CDK5R2: variants seen among roughly 807,000 people sequenced by gnomAD.
CDK5R2 encodes cyclin-dependent kinase 5 activator 2.
CDK5R2 carries 7 observed loss-of-function variants against 23.1 expected under a neutral mutation model. That is an observed-to-expected ratio of 0.30 (90% CI 0.17 to 0.57). The LOEUF (loss-of-function observed/expected upper bound fraction) is 0.57, where lower values mean the gene tolerates loss of function less well. CDK5R2 is among the 20% of genes least tolerant of loss of function. The pLI is 0.91. For synonymous variants in CDK5R2, 242 were observed against 264.9 expected, an observed-to-expected ratio of 0.91 and a Z score of 0.84; for missense variants, 380 against 537.6, an observed-to-expected ratio of 0.71 and a Z score of 2.90.
Position 218,959,792 on chromosome 2 carries a change from G to A in CDK5R2, c.-29G>A, listed in dbSNP as rs886887259. On this transcript the variant is annotated 5_prime_UTR_variant, in exon 1 of 1. Coordinates refer to ENST00000302625, the MANE Select transcript of CDK5R2 (RefSeq NM_003936.5). This position sits in a 1 kb window ranked among gnomAD's most constrained non-coding sequence, Gnocchi z 4.0. ...GCGGCGCCGCCCGCGGCTCCCGCTG[G>A]GGCCTGGGCGCCGGCCCCGCTCTGC... 1.6e-6 allele frequency: 2 copies of A among 1,240,368 alleles called. No homozygotes were observed. The highest frequency in any genetic ancestry group is 2.0e-6 in the Non-Finnish European group (2 of 994,062). The allele number at this position is 1,240,368 out of a possible 1,614,324, so 76.8% of individuals were successfully genotyped here. A position where few individuals can be genotyped will look rare whatever the true frequency, so the allele number is the denominator to read the frequency against.
Position 218,961,134 on chromosome 2 carries a change from A to T in CDK5R2, c.*210A>T. 1 of 429,452 alleles carries T rather than the reference A, an allele frequency of 2.3e-6. No homozygotes were observed. The highest frequency in any genetic ancestry group is 4.5e-5 in the Admixed American group (1 of 22,312). The allele number at this position is 429,452 out of a possible 1,614,324, so 26.6% of individuals were successfully genotyped here. A position where few individuals can be genotyped will look rare whatever the true frequency, so the allele number is the denominator to read the frequency against. ...GCTGGGCGTGGAGTGGGGACGGAAG[A>T]TGAGCGCGGGAAAGGCACTCCAACC... is the stretch of plus-strand genomic sequence containing the variant. On this transcript the variant is annotated 3_prime_UTR_variant, in exon 1 of 1. Coordinates refer to ENST00000302625, the MANE Select transcript of CDK5R2 (RefSeq NM_003936.5). The surrounding 1 kb of genome is among the most constrained non-coding windows in gnomAD (Gnocchi z 4.4).
At position 218,960,846 on chromosome 2, in the gene CDK5R2, C is replaced by A; in HGVS notation, c.1026C>A (p.Gly342=). 6.7e-7 allele frequency: 1 copy of A among 1,499,526 alleles called. No individual in the cohort carries two copies. The highest frequency in any genetic ancestry group is 8.8e-7 in the Non-Finnish European group (1 of 1,136,764). 92.9% of individuals were successfully genotyped at this position (1,499,526 alleles called of 1,614,324 possible). A position where few individuals can be genotyped will look rare whatever the true frequency, so the allele number is the denominator to read the frequency against. The change falls in exon 1 of 1, where the codon GGC becomes GGA. Residue 342 remains glycine, a synonymous_variant. Coordinates refer to ENST00000302625, the MANE Select transcript of CDK5R2 (RefSeq NM_003936.5). ...AASGGGPPSG[G]APAASSAARD... is the part of the protein sequence containing the mutation. ...GCGGCGGGGGCCCACCGAGCGGGGGCGCGCCCGCCGCCTCCTCGGCCGCCA... is the reference window on the plus strand; with the variant it reads ...GCGGCGGGGGCCCACCGAGCGGGGGAGCGCCCGCCGCCTCCTCGGCCGCCA...
Position 218,959,697 on chromosome 2 carries a change from C to T in CDK5R2, c.-124C>T, listed in dbSNP as rs894701843. 37 of 1,144,756 alleles carry T rather than the reference C, an allele frequency of 3.2e-5. No individual in the cohort carries two copies. The highest frequency in any genetic ancestry group is 3.9e-5 in the Non-Finnish European group (36 of 918,634). The allele number at this position is 1,144,756 out of a possible 1,614,324, so 70.9% of individuals were successfully genotyped here. A position where few individuals can be genotyped will look rare whatever the true frequency, so the allele number is the denominator to read the frequency against. ...GCGGAGCCGCCTAGCAGCCACCTTC[C>T]CCCGCCAGTCCGCGCGCCCGGGCCG... On this transcript the variant is annotated 5_prime_UTR_variant, in exon 1 of 1. Transcript: ENST00000302625. This position sits in a 1 kb window ranked among gnomAD's most constrained non-coding sequence, Gnocchi z 4.0.
Position 218,960,327 on chromosome 2 carries a change from G to A in CDK5R2, c.507G>A (p.Val169=). Residue 169 remains valine (V), a synonymous_variant, in exon 1 of 1, where the codon GTG becomes GTA. Coordinates refer to ENST00000302625, the MANE Select transcript of CDK5R2 (RefSeq NM_003936.5). ...CAGCCCCGCAGGTGGCGCCGCCGGT[G>A]CCTGGCGGCTCGCCGCGGCGGGTCA... ...PPPAPQVAPP[V]PGGSPRRVIV... is the part of the protein sequence containing the mutation. 2.0e-6 allele frequency: 3 copies of A among 1,500,258 alleles called. No homozygotes were observed. Among genetic ancestry groups the A allele is most frequent in the Non-Finnish European group, 2.7e-6 (3 of 1,131,414 alleles). 92.9% of individuals were successfully genotyped at this position (1,500,258 alleles called of 1,614,324 possible).
rs1221719734 is a variant in CDK5R2 at position 218,962,122 on chromosome 2, C to G, written c.*1198C>G. ...GCACTGTCTGTCTGTCCGTCTGTCCCGGAAAGAACTATAAAGCGCTGGAAG... is the reference window on the plus strand; with the variant it reads ...GCACTGTCTGTCTGTCCGTCTGTCCGGGAAAGAACTATAAAGCGCTGGAAG... On this transcript the variant is annotated 3_prime_UTR_variant, in exon 1 of 1. Transcript: ENST00000302625. The G allele has an allele frequency of 1.8e-5, 3 of 167,114 alleles. No homozygotes were observed. Among genetic ancestry groups the G allele is most frequent in the African/African-American group, 7.2e-5 (3 of 41,404 alleles). The allele number at this position is 167,114 out of a possible 1,614,324, so 10.4% of individuals were successfully genotyped here.
In CDK5R2 at chr2:218,960,329, C is replaced by G; in HGVS notation, c.509C>G (p.Pro170Arg). Residue 170 changes from proline to arginine, a missense_variant, in exon 1 of 1, where the codon CCT (proline) becomes CGT (arginine). Coordinates refer to ENST00000302625, the MANE Select transcript of CDK5R2 (RefSeq NM_003936.5). ...PPAPQVAPPV[P>R]GGSPRRVIVQ... ...GCCCCGCAGGTGGCGCCGCCGGTGCCTGGCGGCTCGCCGCGGCGGGTCATC... is the reference window on the plus strand; with the variant it reads ...GCCCCGCAGGTGGCGCCGCCGGTGCGTGGCGGCTCGCCGCGGCGGGTCATC... 2.7e-6 allele frequency: 4 copies of G among 1,501,456 alleles called. No individual in the cohort carries two copies. Among genetic ancestry groups the G allele is most frequent in the Admixed American group, 2.1e-5 (1 of 46,580 alleles). 93.0% of individuals were successfully genotyped at this position (1,501,456 alleles called of 1,614,324 possible).
In CDK5R2 at chr2:218,960,184, G is replaced by A. The variant is rs1300172636; in HGVS notation, c.364G>A (p.Ala122Thr). 6.6e-7 allele frequency: 1 copy of A among 1,505,954 alleles called. No homozygotes were observed. Among genetic ancestry groups the A allele is most frequent in the Non-Finnish European group, 8.8e-7 (1 of 1,132,690 alleles). 93.3% of individuals were successfully genotyped at this position (1,505,954 alleles called of 1,614,324 possible). Residue 122 changes from alanine to threonine, a missense_variant, in exon 1 of 1, where the codon GCG (alanine) becomes ACG (threonine). This residue lies in a region of CDK5R2 where 197 missense variants were observed against 246.4 expected (regional missense o/e 0.80). Coordinates refer to ENST00000302625, the MANE Select transcript of CDK5R2 (RefSeq NM_003936.5). ...PDGGGTAKPLAVPVPTVPAAA... is the reference protein window; with the variant it reads ...PDGGGTAKPLTVPVPTVPAAA... ...CGGCGGCGGCACCGCCAAGCCCCTG[G>A]CGGTGCCAGTGCCCACCGTGCCCGC...
rs1230432926 is a variant in CDK5R2, at chr2:218,961,908, C to G, written c.*984C>G. On this transcript the variant is annotated 3_prime_UTR_variant, in exon 1 of 1. Transcript: ENST00000302625. The surrounding 1 kb of genome is among the most constrained non-coding windows in gnomAD (Gnocchi z 4.4). ...CTTATCCTTAGCTTTTTTGTTGCTC[C>G]TCCCCACTGCCCCTTTTAATTTATT... 1 of 167,114 alleles carries G rather than the reference C, an allele frequency of 6.0e-6. No homozygotes were observed. The highest frequency in any genetic ancestry group is 2.4e-5 in the African/African-American group (1 of 41,432). The allele number at this position is 167,114 out of a possible 1,614,324, so 10.4% of individuals were successfully genotyped here.
In CDK5R2 at chr2:218,960,424, A is replaced by G. The variant is rs1414951676; in HGVS notation, c.604A>G (p.Lys202Glu). The change falls in exon 1 of 1, where the codon AAG becomes GAG. Residue 202 changes from lysine (K) to glutamate (E), a missense_variant. Coordinates refer to ENST00000302625, the MANE Select transcript of CDK5R2 (RefSeq NM_003936.5). Reference protein sequence around the residue: ...DFVCRRCYRLKELSPGELVGW... With the variant: ...DFVCRRCYRLEELSPGELVGW... ...CGTGTGCCGACGCTGCTATCGCCTC[A>G]AGGAGCTGAGCCCGGGCGAGCTGGT... 1.2e-6 allele frequency: 2 copies of G among 1,609,606 alleles called. No individual in the cohort carries two copies. The highest frequency in any genetic ancestry group is 1.7e-6 in the Non-Finnish European group (2 of 1,179,650).
rs1945198945 is a variant in CDK5R2, at chr2:218,960,836, C to A, written c.1016C>A (p.Pro339Gln). The change falls in exon 1 of 1, where the codon CCG becomes CAG. Residue 339 changes from proline (P) to glutamine (Q), a missense_variant. This residue lies in a region of CDK5R2 where 59 missense variants were observed against 55.7 expected (regional missense o/e 1.06). Coordinates refer to ENST00000302625, the MANE Select transcript of CDK5R2 (RefSeq NM_003936.5). ...GCCGCCGCCAGCGGCGGGGGCCCAC[C>A]GAGCGGGGGCGCGCCCGCCGCCTCC... The part of the protein sequence containing the change: ...GEAAASGGGP[P>Q]SGGAPAASSA... 3 of 1,519,768 alleles carry A rather than the reference C, an allele frequency of 2.0e-6. No individual in the cohort carries two copies. Among genetic ancestry groups the A allele is most frequent in the East Asian group, 2.5e-5 (1 of 39,648 alleles). The allele number at this position is 1,519,768 out of a possible 1,614,324, so 94.1% of individuals were successfully genotyped here.
Position 218,959,974 on chromosome 2 carries a change from A to C in CDK5R2, c.154A>C (p.Ser52Arg). 6.4e-7 allele frequency: 1 copy of C among 1,550,694 alleles called. No individual in the cohort carries two copies. The highest frequency in any genetic ancestry group is 8.7e-7 in the Non-Finnish European group (1 of 1,151,530). Residue 52 changes from serine (S) to arginine (R), a missense_variant, in exon 1 of 1, where the codon AGC becomes CGC. Physicochemically the swap from Ser to Arg is moderately radical, Grantham distance 110. This residue lies in a region of CDK5R2 where 197 missense variants were observed against 246.4 expected (regional missense o/e 0.80). Transcript: ENST00000302625. This position sits in a 1 kb window ranked among gnomAD's most constrained non-coding sequence, Gnocchi z 4.0. The stretch of plus-strand genomic sequence containing the variant: ...AGTGGGCAAGGGCGGCAAAGGCGAG[A>C]GCCGACTCAAGCGGCCGTCCGTGCT... Reference protein sequence around the residue: ...PPVGKGGKGESRLKRPSVLIS... With the variant: ...PPVGKGGKGERRLKRPSVLIS...
In CDK5R2 at chr2:218,960,098, AC is replaced by A; in HGVS notation, c.283del (p.Leu95TrpfsTer110). 3.1e-6 allele frequency: 5 copies of A among 1,599,946 alleles called. No individual in the cohort carries two copies. The highest frequency in any genetic ancestry group is 1.4e-5 in the African/African-American group (1 of 73,488). ...VTPKPASTGPDPLVQQRNREN... is the reference protein window; with the variant it reads ...VTPKPASTGPXPLVQQRNREN... Reference sequence around the variant, plus strand: ...CCCAAGCCGGCATCCACGGGCCCCGACCCCCTGGTCCAGCAACGCAACCGCG... The same window carrying A: ...CCCAAGCCGGCATCCACGGGCCCCGACCCCTGGTCCAGCAACGCAACCGCG... On this transcript the variant is annotated frameshift_variant, in exon 1 of 1. Coordinates refer to ENST00000302625, the MANE Select transcript of CDK5R2 (RefSeq NM_003936.5). LOFTEE classifies it high-confidence loss of function.
rs1187609221 is a variant in CDK5R2 at position 218,959,966 on chromosome 2, A to T, written c.146A>T (p.Lys49Ile). ...YGAPPVGKGGKGESRLKRPSV... is the reference protein window; with the variant it reads ...YGAPPVGKGGIGESRLKRPSV... The stretch of plus-strand genomic sequence containing the variant: ...GCGCCGCCAGTGGGCAAGGGCGGCA[A>T]AGGCGAGAGCCGACTCAAGCGGCCG... Residue 49 changes from lysine (K) to isoleucine (I), a missense_variant, in exon 1 of 1, where the codon AAA (lysine) becomes ATA (isoleucine). Physicochemically the swap from Lys to Ile is moderately radical, Grantham distance 102. Coordinates refer to ENST00000302625, the MANE Select transcript of CDK5R2 (RefSeq NM_003936.5). This position sits in a 1 kb window ranked among gnomAD's most constrained non-coding sequence, Gnocchi z 4.0. The T allele has an allele frequency of 6.5e-7, 1 of 1,547,912 alleles. No homozygotes were observed. The highest frequency in any genetic ancestry group is 1.4e-5 in the African/African-American group (1 of 71,878).
Position 218,961,299 on chromosome 2 carries a change from T to C in CDK5R2, c.*375T>C, listed in dbSNP as rs533095071. ...TCATTTTTCCTCCTGTCTGCATTCC[T>C]CTCTCTCTCTCTCCCTCTCTCTCCT... On this transcript the variant is annotated 3_prime_UTR_variant, in exon 1 of 1. Coordinates refer to ENST00000302625, the MANE Select transcript of CDK5R2 (RefSeq NM_003936.5). This position sits in a 1 kb window ranked among gnomAD's most constrained non-coding sequence, Gnocchi z 4.4. The C allele has an allele frequency of 2.7e-5, 5 of 182,934 alleles. No individual in the cohort carries two copies. The highest frequency in any genetic ancestry group is 1.6e-4 in the East Asian group (1 of 6,392). 11.3% of individuals were successfully genotyped at this position (182,934 alleles called of 1,614,324 possible).
Position 218,959,956 on chromosome 2 carries a change from A to G in CDK5R2, c.136A>G (p.Lys46Glu). 1.9e-6 allele frequency: 3 copies of G among 1,539,540 alleles called. No individual in the cohort carries two copies. The highest frequency in any genetic ancestry group is 2.6e-6 in the Non-Finnish European group (3 of 1,145,636). ...GGGCTACGGGGCGCCGCCAGTGGGC[A>G]AGGGCGGCAAAGGCGAGAGCCGACT... The part of the protein sequence containing the change: ...LGGYGAPPVG[K>E]GGKGESRLKR... The change falls in exon 1 of 1, where the codon AAG becomes GAG. Residue 46 changes from lysine (K) to glutamate (E), a missense_variant. Coordinates refer to ENST00000302625, the MANE Select transcript of CDK5R2 (RefSeq NM_003936.5). This position sits in a 1 kb window ranked among gnomAD's most constrained non-coding sequence, Gnocchi z 4.0.
In CDK5R2 at chr2:218,959,991, G is replaced by T; in HGVS notation, c.171G>T (p.Pro57=). The change falls in exon 1 of 1, where the codon CCG becomes CCT. Residue 57 remains proline, a synonymous_variant. Transcript: ENST00000302625. The surrounding 1 kb of genome is among the most constrained non-coding windows in gnomAD (Gnocchi z 4.0). The part of the protein sequence containing the change: ...GGKGESRLKR[P]SVLISALTWK... ...AAGGCGAGAGCCGACTCAAGCGGCC[G>T]TCCGTGCTCATCTCGGCGCTCACCT... 2 of 1,565,112 alleles carry T rather than the reference G, an allele frequency of 1.3e-6. No homozygotes were observed. The highest frequency in any genetic ancestry group is 1.4e-5 in the African/African-American group (1 of 72,134).
In CDK5R2 at chr2:218,960,280, A is replaced by G. The variant is rs2105999404; in HGVS notation, c.460A>G (p.Lys154Glu). 7.5e-7 allele frequency: 1 copy of G among 1,328,440 alleles called. No homozygotes were observed. Among genetic ancestry groups the G allele is most frequent in the Non-Finnish European group, 9.5e-7 (1 of 1,048,274 alleles). 82.3% of individuals were successfully genotyped at this position (1,328,440 alleles called of 1,614,324 possible). Residue 154 changes from lysine to glutamate, a missense_variant, in exon 1 of 1, where the codon AAG (lysine) becomes GAG (glutamate). Transcript: ENST00000302625. ...TCAGCCGCCGGGCTCGGGCGGGGGAAAGCCTCCGCCGCCGCCTCCCCCAGC... is the reference window on the plus strand; with the variant it reads ...TCAGCCGCCGGGCTCGGGCGGGGGAGAGCCTCCGCCGCCGCCTCCCCCAGC... ...AAQPPGSGGGKPPPPPPPAPQ... is the reference protein window; with the variant it reads ...AAQPPGSGGGEPPPPPPPAPQ...
In CDK5R2 at chr2:218,960,826, G is replaced by T; in HGVS notation, c.1006G>T (p.Gly336Trp). ...KNEGEAAASGGGPPSGGAPAA... is the reference protein window; with the variant it reads ...KNEGEAAASGWGPPSGGAPAA... Reference sequence around the variant, plus strand: ...CGAGGGCGAGGCCGCCGCCAGCGGCGGGGGCCCACCGAGCGGGGGCGCGCC... The same window carrying T: ...CGAGGGCGAGGCCGCCGCCAGCGGCTGGGGCCCACCGAGCGGGGGCGCGCC... Residue 336 changes from glycine to tryptophan, a missense_variant, in exon 1 of 1, where the codon GGG becomes TGG. Physicochemically the swap from Gly to Trp is radical, Grantham distance 184 (BLOSUM62 -2). This residue lies in a region of CDK5R2 where 59 missense variants were observed against 55.7 expected (regional missense o/e 1.06). Transcript: ENST00000302625. 2 of 1,563,226 alleles carry T rather than the reference G, an allele frequency of 1.3e-6. No homozygotes were observed. Among genetic ancestry groups the T allele is most frequent in the South Asian group, 1.2e-5 (1 of 83,700 alleles).
At position 218,961,726 on chromosome 2, in the gene CDK5R2, G is replaced by C. The variant is rs1210323094; in HGVS notation, c.*802G>C. 1 of 167,154 alleles carries C rather than the reference G, an allele frequency of 6.0e-6. No homozygotes were observed. Among genetic ancestry groups the C allele is most frequent in the Non-Finnish European group, 1.5e-5 (1 of 68,218 alleles). 10.4% of individuals were successfully genotyped at this position (167,154 alleles called of 1,614,324 possible). A position where few individuals can be genotyped will look rare whatever the true frequency, so the allele number is the denominator to read the frequency against. Reference sequence around the variant, plus strand: ...CCTTTTCCAACGTGTTGCATGCTGGGAGCTGGGGGGTGTGGGGGAAGGGGC... The same window carrying C: ...CCTTTTCCAACGTGTTGCATGCTGGCAGCTGGGGGGTGTGGGGGAAGGGGC... On this transcript the variant is annotated 3_prime_UTR_variant, in exon 1 of 1. Coordinates refer to ENST00000302625, the MANE Select transcript of CDK5R2 (RefSeq NM_003936.5). This position sits in a 1 kb window ranked among gnomAD's most constrained non-coding sequence, Gnocchi z 4.4.
Sources: allele counts gnomAD v4.1 joint callset, GRCh38; gene constraint gnomAD v4.1.1; regional missense constraint gnomAD v4.1.1; non-coding constraint Gnocchi (gnomAD v3.1); transcripts MANE v1.5; gene names NCBI Gene and HGNC (gene_info 2026-07-23, HGNC 2026-07-21).